The following ZFHX3 variants were observed in gnomAD, a reference collection of about 807,000 sequenced individuals.
The protein encoded by ZFHX3 is zinc finger homeobox 3, also known as zinc finger homeobox protein 3.
ZFHX3 carries 42 observed loss-of-function variants against 279.1 expected under a neutral mutation model. That is an observed-to-expected ratio of 0.15 (90% CI 0.12 to 0.19). ZFHX3 has a LOEUF of 0.19. Ranked by LOEUF, ZFHX3 falls within the 10% of genes least tolerant of loss-of-function variation. The pLI is 1.00. For synonymous variants in ZFHX3, 2,293 were observed against 1,957.8 expected (o/e 1.17, Z -4.52); for missense variants, 4,981 against 4,754.0 (o/e 1.05, Z -1.40).
chr16:72,882,978 GTGTGTGTGTGTGTGTGTGTGT>G (rs2038524355), intron 4 of ZFHX3, among the ~76,000 whole-genome samples: 1 of 29,168 alleles, frequency 3.4e-5, no homozygotes, highest in African/African-American at 1.0e-4. Flanking sequence ...CCACTCTGGG[GTGTGTGTGTGTGTGTGTGTGT>G]GTGTGTGTGT....
chr16:73,380,914 C>T lies in ZFHX3; in HGVS notation c.-1290-62578G>A, dbSNP rs182722681. ...CTCACCAGTGAGGTCTGAATTTCAACCCTAGGTTCTCTGTTCTATCTTTGC... is the reference window on the plus strand; with the variant it reads ...CTCACCAGTGAGGTCTGAATTTCAATCCTAGGTTCTCTGTTCTATCTTTGC... On this transcript the variant is annotated intron_variant, in intron 3 of 17. Transcript: ENST00000641206. Among the ~76,000 whole-genome samples, 37 of 152,222 alleles carry T rather than the reference C, an allele frequency of 2.4e-4. 1 individual carries two copies. The highest frequency in any genetic ancestry group is 7.9e-4 in the African/African-American group (33 of 41,552).
intron 9 of ZFHX3, chr16:72,791,066 C>G (rs956998444): frequency 6.6e-6 from 1 of 152,188 alleles, no homozygotes; most frequent in African/African-American, 2.4e-5. Flanking sequence ...AGGCAAGGTA[C>G]TTCATCCCCC....
At position 72,950,224 on chromosome 16, in the gene ZFHX3, G is replaced by A. The variant is rs1054282286; in HGVS notation, c.3216+245C>T. On this transcript the variant is annotated intron_variant, in intron 3 of 9. Coordinates refer to ENST00000268489, the MANE Select transcript of ZFHX3 (RefSeq NM_006885.4). ...CCTAGAGGCGCTGTCAACAAAACCT[G>A]ACCCAAAATTGGGCACCCAGAAAGA... Among the ~76,000 whole-genome samples, 3 of 152,180 alleles carry A rather than the reference G, an allele frequency of 2.0e-5. No homozygotes were observed. In the East Asian group the frequency reaches 5.8e-4, roughly 30 times the overall value.
chr16:73,232,137 C>T (rs2012794468), intron 5 of ZFHX3: 2 of 152,304 alleles, frequency 1.3e-5, no homozygotes, highest in Admixed American at 6.5e-5. Flanking sequence ...CACCCTGGTT[C>T]GCACGCATTC....
At chr16:73,880,871 G>A (rs1296983901) in intron 1 of ZFHX3, among the ~76,000 whole-genome samples, 6 of 152,092 alleles carry the variant, frequency 3.9e-5, no homozygotes, top group Non-Finnish European at 7.4e-5. Flanking sequence ...AAATGTAAAC[G>A]ACATGTCTCT....
At chr16:73,054,400 C>T (rs372705533) in intron 1 of ZFHX3, among the ~76,000 whole-genome samples, 88 of 140,116 alleles carry the variant, frequency 6.3e-4, no homozygotes, top group African/African-American at 1.9e-3. Context: ...GTGCAATCAA[C>T]CCTCCATCCC....
chr16:73,237,793 A>G (rs919571527), intron 5 of ZFHX3, among the ~76,000 whole-genome samples: 2 of 152,170 alleles, frequency 1.3e-5, no homozygotes, highest in Non-Finnish European at 2.9e-5. Context: ...GTATCCTGCC[A>G]GCGAGGAAGA....
chr16:73,543,509 G>T (rs952233864), intron 2 of ZFHX3, among the ~76,000 whole-genome samples: 1 of 152,044 alleles, frequency 6.6e-6, no homozygotes, highest in Non-Finnish European at 1.5e-5. Context: ...AGAAACCCCT[G>T]GTAATTAGCA....
chr16:73,578,005 C>G (rs1040704988), intron 2 of ZFHX3, among the ~76,000 whole-genome samples: 3 of 152,204 alleles, frequency 2.0e-5, no homozygotes, highest in African/African-American at 7.2e-5. Flanking sequence ...TCAATCACTC[C>G]GGCCAAACTG....
chr16:73,767,617 C>A (rs143681642), intron 1 of ZFHX3, among the ~76,000 whole-genome samples: 51 of 152,214 alleles, frequency 3.4e-4, no homozygotes, highest in Non-Finnish European at 5.9e-4. Flanking sequence ...TTTTCCAGGG[C>A]AATTAAGAGA....
At chr16:73,157,843 AT>A (rs1235287948) in intron 5 of ZFHX3, among the ~76,000 whole-genome samples, 1 of 152,104 alleles carries the variant, frequency 6.6e-6, no homozygotes, top group Non-Finnish European at 1.5e-5. Flanking sequence ...GAGAAGAAGC[AT>A]TTTAGAGAAG....
At chr16:73,676,598 A>T (rs1212207656) in intron 2 of ZFHX3, among the ~76,000 whole-genome samples, 1 of 152,004 alleles carries the variant, frequency 6.6e-6, no homozygotes, top group Non-Finnish European at 1.5e-5. Flanking sequence ...GAAAATATAA[A>T]GAAAGCAATA....
At chr16:73,724,459 G>T (rs1336851640) in intron 1 of ZFHX3, among the ~76,000 whole-genome samples, 1 of 152,160 alleles carries the variant, frequency 6.6e-6, no homozygotes, top group African/African-American at 2.4e-5. Flanking sequence ...TGTCATCATT[G>T]AGAACCCCAC....
chr16:73,316,108 C>G (rs761281451), intron 4 of ZFHX3, among the ~76,000 whole-genome samples: 9 of 152,270 alleles, frequency 5.9e-5, no homozygotes, highest in Non-Finnish European at 8.8e-5. Context: ...AAGGTGATAC[C>G]ACAGGAAAAA....
Position 72,857,767 on chromosome 16 carries a change from T to C in ZFHX3, c.3449-27908A>G, listed in dbSNP as rs2037789524. Reference sequence around the variant, plus strand: ...TTAACAAAAGCTGAGGAGTTATTTTTTCCCAACTTCAGGCTGCAGCCCTGC... The same window carrying C: ...TTAACAAAAGCTGAGGAGTTATTTTCTCCCAACTTCAGGCTGCAGCCCTGC... On this transcript the variant is annotated intron_variant, in intron 4 of 9. Transcript: ENST00000268489. 2.0e-5 allele frequency among the ~76,000 whole-genome samples: 3 copies of C among 152,358 alleles called. No homozygotes were observed. The Middle Eastern group carries it at 0.01, about 518-fold the overall frequency.
intron 7 of ZFHX3, among the ~76,000 whole-genome samples, chr16:73,103,683 A>AT (rs1225473357): frequency 2.0e-5 from 3 of 152,106 alleles, no homozygotes; most frequent in Admixed American, 2.0e-4. Flanking sequence ...TCTGATGAAT[A>AT]TTTTCTGTGT....
chr16:72,997,559 C>T (rs543117653), intron 1 of ZFHX3, among the ~76,000 whole-genome samples: 1 of 152,320 alleles, frequency 6.6e-6, no homozygotes, highest in East Asian at 1.9e-4. Flanking sequence ...TGACAAAGTT[C>T]TGTCTAAGGT....
At chr16:73,034,494 G>A (rs945658343) in intron 1 of ZFHX3, among the ~76,000 whole-genome samples, 1 of 152,132 alleles carries the variant, frequency 6.6e-6, no homozygotes, top group African/African-American at 2.4e-5. Flanking sequence ...AGAAATGACT[G>A]TGAAGTCAGA....
intron 8 of ZFHX3, among the ~76,000 whole-genome samples, chr16:73,076,574 C>T (rs1422726558): frequency 6.6e-6 from 1 of 152,180 alleles, no homozygotes; most frequent in African/African-American, 2.4e-5. Context: ...TCCAGGGACT[C>T]ATCATAAAAG....
Sources: allele counts gnomAD v4.1 joint callset (sites outside exome capture counted in the v4.1 genomes callset), GRCh38; gene constraint gnomAD v4.1.1; transcripts MANE v1.5; gene names NCBI Gene and HGNC (gene_info 2026-07-23, HGNC 2026-07-21).